The following TTLL5 variants were observed in gnomAD, a reference collection of about 807,000 sequenced individuals.
TTLL5 encodes the protein tubulin tyrosine ligase like 5.
Under a neutral mutation model 168.4 loss-of-function variants are expected in TTLL5, and 132 were observed. That is an observed-to-expected ratio of 0.78 (90% CI 0.68 to 0.91). TTLL5 has a LOEUF of 0.91. Among genes scored for constraint, TTLL5 ranks in the 40% least tolerant of loss-of-function variants. The pLI, the probability that TTLL5 is intolerant of heterozygous loss-of-function variation, is 0.00. For synonymous variants in TTLL5, 546 were observed against 558.6 expected (o/e 0.98, Z 0.32); for missense variants, 1,545 against 1,581.5 (o/e 0.98, Z 0.39).
At chr14:75,680,865 G>T (rs1034571852) in intron 3 of TTLL5, among the ~76,000 whole-genome samples, 1 of 152,114 alleles carries the variant, frequency 6.6e-6, no homozygotes, top group African/African-American at 2.4e-5. Flanking sequence ...GACCTCAGGT[G>T]ATCCGCCCAC....
At chr14:75,725,406 T>C (rs923198522) in intron 12 of TTLL5, among the ~76,000 whole-genome samples, 2 of 152,254 alleles carry the variant, frequency 1.3e-5, no homozygotes, top group South Asian at 2.1e-4. Flanking sequence ...AAGAAACTTA[T>C]GTAGGAAGTA....
At chr14:75,689,251 T>C (rs140174655) in intron 5 of TTLL5, among the ~76,000 whole-genome samples, 31 of 152,290 alleles carry the variant, frequency 2.0e-4, no homozygotes, top group Non-Finnish European at 4.1e-4. Context: ...CATCCTCTCT[T>C]GAGCCTGATG....
At chr14:75,735,560 T>G in intron 15 of TTLL5, among the ~76,000 whole-genome samples, 1 of 152,226 alleles carries the variant, frequency 6.6e-6, no homozygotes, top group East Asian at 1.9e-4. Context: ...AAATCACGTT[T>G]TTTCCGCCTC....
chr14:75,946,066 C>T (rs1267230550), intron 31 of TTLL5, among the ~76,000 whole-genome samples: 3 of 152,162 alleles, frequency 2.0e-5, no homozygotes, highest in Non-Finnish European at 2.9e-5. Context: ...ACTAGTAGAC[C>T]TTTGCCAAGG....
At chr14:75,806,458 A>G (rs893983506) in intron 27 of TTLL5, among the ~76,000 whole-genome samples, 1 of 152,226 alleles carries the variant, frequency 6.6e-6, no homozygotes, top group Non-Finnish European at 1.5e-5. Flanking sequence ...TTTATTTAGA[A>G]TCTGGCTCCA....
At chr14:75,664,959 G>T (rs746180077) in intron 2 of TTLL5, among the ~76,000 whole-genome samples, 1 of 152,156 alleles carries the variant, frequency 6.6e-6, no homozygotes, top group South Asian at 2.1e-4. Context: ...AAATACTGAC[G>T]ATTGCAGATA....
chr14:75,894,833 C>T (rs895277297), intron 30 of TTLL5, among the ~76,000 whole-genome samples: 1 of 151,876 alleles, frequency 6.6e-6, no homozygotes, highest in African/African-American at 2.4e-5. Context: ...AATATTAATG[C>T]CAGATAAAAT....
At chr14:75,882,329 C>T (rs1034250021) in intron 29 of TTLL5, among the ~76,000 whole-genome samples, 8 of 152,180 alleles carry the variant, frequency 5.3e-5, no homozygotes, top group Admixed American at 1.3e-4. Flanking sequence ...TAGTACTTCA[C>T]GCCTCGAAAG....
At chr14:75,930,008 C>T (rs1024106146) in intron 31 of TTLL5, among the ~76,000 whole-genome samples, 2 of 152,116 alleles carry the variant, frequency 1.3e-5, no homozygotes, top group African/African-American at 2.4e-5. Flanking sequence ...AAAAACTGAA[C>T]GTAAGCACCA....
chr14:75,667,372 G>GT (rs1208465717), intron 2 of TTLL5, among the ~76,000 whole-genome samples: 5 of 152,160 alleles, frequency 3.3e-5, no homozygotes, highest in South Asian at 2.1e-4. Context: ...TAGGCTGCCT[G>GT]TTTTTTTCTG....
At chr14:75,695,101 G>A (rs1301193907) in intron 6 of TTLL5, among the ~76,000 whole-genome samples, 2 of 152,178 alleles carry the variant, frequency 1.3e-5, no homozygotes, top group African/African-American at 4.8e-5. Context: ...TCTTACAAAA[G>A]CGAATAGGAG....
At position 75,792,914 on chromosome 14, in the gene TTLL5, A is replaced by G; in HGVS notation, c.2987-2A>G. ...AGTGAAAACTTTTCTCCGTTTTAGC[A>G]GGATCGTGCTATCTAAACAAGCATC... On this transcript the variant is annotated splice_acceptor_variant, in intron 26 of 31. Transcript: ENST00000298832. LOFTEE classifies it high-confidence loss of function. 1 of 1,570,684 alleles carries G rather than the reference A, an allele frequency of 6.4e-7. No individual in the cohort carries two copies. The highest frequency in any genetic ancestry group is 8.7e-7 in the Non-Finnish European group (1 of 1,154,130).
At chr14:75,697,363 A>G (rs2140151298) in intron 6 of TTLL5, among the ~76,000 whole-genome samples, 1 of 152,348 alleles carries the variant, frequency 6.6e-6, no homozygotes, top group East Asian at 1.9e-4. Flanking sequence ...GTGTGAGTAG[A>G]ACTAGAGGAT....
chr14:75,699,174 A>G lies in TTLL5; in HGVS notation c.503-14A>G. On this transcript the variant is annotated splice_polypyrimidine_tract_variant and intron_variant, in intron 6 of 31. Transcript: ENST00000298832. Reference sequence around the variant, plus strand: ...TTGTTTCCTCTGTTTTTTATCTCCCAATATTTTGAGCAGATTCATATTCGA... The same window carrying G: ...TTGTTTCCTCTGTTTTTTATCTCCCGATATTTTGAGCAGATTCATATTCGA... The G allele has an allele frequency of 6.2e-7, 1 of 1,607,848 alleles. No homozygotes were observed. Among genetic ancestry groups the G allele is most frequent in the Non-Finnish European group, 8.5e-7 (1 of 1,174,474 alleles).
intron 30 of TTLL5, among the ~76,000 whole-genome samples, chr14:75,891,751 G>A (rs1006502141): frequency 2.7e-4 from 41 of 152,210 alleles, no homozygotes; most frequent in Non-Finnish European, 5.9e-5. Flanking sequence ...GCGTATGGGA[G>A]ACAGTAGAGT....
intron 15 of TTLL5, among the ~76,000 whole-genome samples, chr14:75,742,533 C>A (rs1481835954): frequency 1.3e-5 from 2 of 152,210 alleles, no homozygotes; most frequent in African/African-American, 4.8e-5. Context: ...GTAGCTGAGA[C>A]CACAGGCATG....
At position 75,840,186 on chromosome 14, in the gene TTLL5, G is replaced by A. The variant is rs74908480; in HGVS notation, c.3326+20025G>A. Among the ~76,000 whole-genome samples the A allele has an allele frequency of 4.1e-3, 619 of 152,266 alleles. 3 individuals carry two copies. Among genetic ancestry groups the A allele is most frequent in the East Asian group, 0.014 (70 of 5,180 alleles). On this transcript the variant is annotated intron_variant, in intron 28 of 31. Transcript: ENST00000298832. Reference sequence around the variant, plus strand: ...TTTTGCCACATGTGTTCTAAGAGTTGTAATAGTTATAGCTTTTATGCTTGT... The same window carrying A: ...TTTTGCCACATGTGTTCTAAGAGTTATAATAGTTATAGCTTTTATGCTTGT...
At chr14:75,679,671 GC>G (rs1884457867) in intron 3 of TTLL5, among the ~76,000 whole-genome samples, 1 of 152,126 alleles carries the variant, frequency 6.6e-6, no homozygotes. Context: ...GCCCTTTTAA[GC>G]TCTTAGTGAC....
chr14:75,705,729 G>T (rs1192457145), intron 7 of TTLL5, among the ~76,000 whole-genome samples: 1 of 152,142 alleles, frequency 6.6e-6, no homozygotes, highest in Non-Finnish European at 1.5e-5. Context: ...AATGTTGATG[G>T]TTATTTCTGT....
Sources: allele counts gnomAD v4.1 joint callset (sites outside exome capture counted in the v4.1 genomes callset), GRCh38; gene constraint gnomAD v4.1.1; transcripts MANE v1.5; gene names NCBI Gene and HGNC (gene_info 2026-07-23, HGNC 2026-07-21).